Variants in DPP10 observed in about 807,000 individuals in gnomAD.
DPP10 encodes the protein inactive dipeptidyl peptidase 10.
DPP10 carries 33 observed loss-of-function variants against 120.9 expected under a neutral mutation model. That is an observed-to-expected ratio of 0.27 (90% CI 0.21 to 0.37). The LOEUF (loss-of-function observed/expected upper bound fraction) is 0.37. Ranked by LOEUF, DPP10 falls within the 10% of genes least tolerant of loss-of-function variation. DPP10 has a pLI of 1.00. For synonymous variants in DPP10, 337 were observed against 326.1 expected, an observed-to-expected ratio of 1.03 and a Z score of -0.36; for missense variants, 816 against 942.8, an observed-to-expected ratio of 0.87 and a Z score of 1.76.
chr2:114,834,054 C>A (rs1687385224), intron 1 of DPP10: 2 of 151,446 alleles, frequency 1.3e-5, no homozygotes, highest in Admixed American at 6.6e-5. Context: ...TATATATAAG[C>A]CATATCTACA....
intron 1 of DPP10, among the ~76,000 whole-genome samples, chr2:115,190,707 TTTTGGA>T (rs2054816623): frequency 1.3e-5 from 2 of 151,556 alleles, no homozygotes; most frequent in African/African-American, 4.9e-5. Context: ...GGCTGTGGGG[TTTTGGA>T]AGAGAGCTAC....
chr2:115,157,745 C>T (rs1318872740), intron 1 of DPP10, among the ~76,000 whole-genome samples: 1 of 152,186 alleles, frequency 6.6e-6, no homozygotes, highest in Non-Finnish European at 1.5e-5. Context: ...AAAGCTATTT[C>T]TTTATCTGCA....
chr2:114,671,947 A>G (rs1028596124), intron 1 of DPP10, among the ~76,000 whole-genome samples: 3 of 152,154 alleles, frequency 2.0e-5, no homozygotes, highest in Non-Finnish European at 4.4e-5. Flanking sequence ...TTAATAAGGT[A>G]CTAGAATTGA....
intron 3 of DPP10, among the ~76,000 whole-genome samples, chr2:115,461,864 A>T (rs2074006416): frequency 1.3e-5 from 2 of 152,108 alleles, no homozygotes; most frequent in Non-Finnish European, 2.9e-5. Context: ...TATAGAGTTA[A>T]TTCCAGGCTT....
intron 1 of DPP10, among the ~76,000 whole-genome samples, chr2:114,868,345 G>A (rs1336645721): frequency 6.6e-6 from 1 of 151,992 alleles, no homozygotes; most frequent in Non-Finnish European, 1.5e-5. Context: ...GAACTTTTTG[G>A]GACCATTATA....
chr2:115,468,983 C>T (rs902101494), intron 3 of DPP10: 16 of 236,008 alleles, frequency 6.8e-5, no homozygotes, highest in African/African-American at 1.9e-4. Flanking sequence ...CCTCCTGAGA[C>T]GGAGTATCAC....
intron 1 of DPP10, among the ~76,000 whole-genome samples, chr2:114,580,218 C>T (rs1284948061): frequency 6.6e-6 from 1 of 152,154 alleles, no homozygotes; most frequent in South Asian, 2.1e-4. Context: ...ACCCACACTT[C>T]CCCAGGCATT....
chr2:114,997,474 G>C (rs1000635238), intron 1 of DPP10, among the ~76,000 whole-genome samples: 6 of 146,124 alleles, frequency 4.1e-5, no homozygotes, highest in African/African-American at 1.5e-4. Flanking sequence ...CTTGAGTACA[G>C]AGCGAGACTC....
chr2:115,408,805 G>A (rs951993066), intron 3 of DPP10, among the ~76,000 whole-genome samples: 7 of 152,060 alleles, frequency 4.6e-5, no homozygotes, highest in African/African-American at 1.7e-4. Context: ...GATGGAATGT[G>A]GGTAAGCTAG....
At position 114,981,513 on chromosome 2, in the gene DPP10, G is replaced by T. The variant is rs117180363; in HGVS notation, c.61-327726G>T. 1.8e-4 allele frequency among the ~76,000 whole-genome samples: 28 copies of T among 152,200 alleles called. No homozygotes were observed. In the East Asian group the frequency reaches 4.6e-3, roughly 25 times the overall value. ...TGATCGTAAGAAAAAGGTCTAAAATGGTATACTCTAAATAGTCTACTACTG... is the reference window on the plus strand; with the variant it reads ...TGATCGTAAGAAAAAGGTCTAAAATTGTATACTCTAAATAGTCTACTACTG... On this transcript the variant is annotated intron_variant, in intron 1 of 25. Coordinates refer to ENST00000410059, the MANE Select transcript of DPP10 (RefSeq NM_020868.6).
At chr2:115,180,046 A>C (rs1341051585) in intron 1 of DPP10, among the ~76,000 whole-genome samples, 1 of 152,184 alleles carries the variant, frequency 6.6e-6, no homozygotes, top group Non-Finnish European at 1.5e-5. Flanking sequence ...GAATTATTGC[A>C]GGGCATATTT....
At chr2:115,169,472 G>A (rs973104766) in intron 1 of DPP10, among the ~76,000 whole-genome samples, 2 of 152,148 alleles carry the variant, frequency 1.3e-5, no homozygotes, top group African/African-American at 4.8e-5. Context: ...TGATCTAAAT[G>A]CTATGGATCT....
chr2:114,694,658 G>T (rs925831227), intron 1 of DPP10, among the ~76,000 whole-genome samples: 12 of 151,928 alleles, frequency 7.9e-5, no homozygotes, highest in Admixed American at 6.6e-4. Flanking sequence ...TGTCTTCAAA[G>T]ATCTAACACA....
chr2:114,514,925 T>G (rs1381206121), intron 1 of DPP10, among the ~76,000 whole-genome samples: 1 of 152,114 alleles, frequency 6.6e-6, no homozygotes, highest in Non-Finnish European at 1.5e-5. Flanking sequence ...TCCTAAACCA[T>G]ACTCAGAGCA....
intron 1 of DPP10, among the ~76,000 whole-genome samples, chr2:114,480,821 A>C (rs2104675568): frequency 6.6e-6 from 1 of 152,078 alleles, no homozygotes. Context: ...ACAAACCTTC[A>C]CGTTGTGCAC....
chr2:114,653,248 A>G lies in DPP10; in HGVS notation c.60+210410A>G, dbSNP rs978759419. The stretch of plus-strand genomic sequence containing the variant: ...TTCCAAGGCTAACTGTCCTTATAAG[A>G]CACAAAAGAGGAGAAGGCCACATGA... On this transcript the variant is annotated intron_variant, in intron 1 of 25. Transcript: ENST00000410059. Among the ~76,000 whole-genome samples the G allele has an allele frequency of 1.1e-4, 16 of 152,248 alleles. No individual in the cohort carries two copies. In the East Asian group the frequency reaches 3.1e-3, roughly 29 times the overall value.
intron 1 of DPP10, among the ~76,000 whole-genome samples, chr2:115,212,794 G>A (rs1020179709): frequency 6.6e-6 from 1 of 152,158 alleles, no homozygotes; most frequent in Middle Eastern, 3.4e-3. Flanking sequence ...GGGCATATTT[G>A]TTCATAAATT....
chr2:114,737,346 T>A (rs1677545307), intron 1 of DPP10, among the ~76,000 whole-genome samples: 2 of 152,166 alleles, frequency 1.3e-5, no homozygotes, highest in Non-Finnish European at 2.9e-5. Flanking sequence ...GCCTCCTCCA[T>A]CAGTCTGGTC....
intron 1 of DPP10, among the ~76,000 whole-genome samples, chr2:115,238,487 C>T (rs1159692004): frequency 6.6e-6 from 1 of 152,164 alleles, no homozygotes; most frequent in Non-Finnish European, 1.5e-5. Context: ...TTTTGTATTT[C>T]AAATCTTATT....
Sources: allele counts gnomAD v4.1 joint callset (sites outside exome capture counted in the v4.1 genomes callset), GRCh38; gene constraint gnomAD v4.1.1; transcripts MANE v1.5; gene names NCBI Gene and HGNC (gene_info 2026-07-23, HGNC 2026-07-21).